The following ST3GAL1 variants were observed in gnomAD, a reference collection of about 807,000 sequenced individuals.
ST3GAL1 encodes the protein ST3 beta-galactoside alpha-2,3-sialyltransferase 1.
ST3GAL1 carries 16 observed loss-of-function variants against 34.1 expected under a neutral mutation model. That is an observed-to-expected ratio of 0.47 (90% CI 0.32 to 0.71). The LOEUF (loss-of-function observed/expected upper bound fraction) is 0.71. ST3GAL1 is among the 30% of genes least tolerant of loss of function. The pLI is 0.04. For missense variants in ST3GAL1, 353 were observed against 447.4 expected (o/e 0.79, Z 1.90); for synonymous variants, 191 against 184.7 (o/e 1.03, Z -0.28).
In ST3GAL1 at chr8:133,556,106, G is replaced by A. The variant is rs994856163; in HGVS notation, c.-581-10180C>T. Among the ~76,000 whole-genome samples the A allele has an allele frequency of 6.6e-6, 1 of 152,040 alleles. No homozygotes were observed. The highest frequency in any genetic ancestry group is 1.5e-5 in the Non-Finnish European group (1 of 68,006). On this transcript the variant is annotated intron_variant, in intron 1 of 9. Coordinates refer to ENST00000522652, the MANE Select transcript of ST3GAL1 (RefSeq NM_173344.3). This position sits in a 1 kb window ranked among gnomAD's most constrained non-coding sequence, Gnocchi z 8.9. ...AGACGGGGTTTCATCATGTTGCCCA[G>A]GCTGATCTCGAACTCCTGAGCTCAG...
At chr8:133,533,474 A>G (rs1818214854) in intron 2 of ST3GAL1, among the ~76,000 whole-genome samples, 1 of 152,220 alleles carries the variant, frequency 6.6e-6, no homozygotes, top group Non-Finnish European at 1.5e-5. Context: ...GAGAGCCATG[A>G]GAATGGGCTT....
intron 3 of ST3GAL1, among the ~76,000 whole-genome samples, chr8:133,488,775 G>T (rs565454639): frequency 2.0e-4 from 30 of 152,186 alleles, no homozygotes; most frequent in Non-Finnish European, 4.1e-4. Context: ...GGAAGCTACA[G>T]GTATGAAGGC....
At chr8:133,464,643 G>A (rs535496749) in intron 7 of ST3GAL1, 135 bp downstream of exon 7, 2 of 929,476 alleles carry the variant, frequency 2.2e-6, no homozygotes, top group Non-Finnish European at 1.6e-6. Flanking sequence ...ACGGGAACTG[G>A]GCTTGTGTGT....
chr8:133,559,022 A>G (rs1819138999), intron 1 of ST3GAL1, among the ~76,000 whole-genome samples: 1 of 132,404 alleles, frequency 7.6e-6, no homozygotes, highest in African/African-American at 3.0e-5. Context: ...TCCCAGGGCG[A>G]TAGAGTGTGG....
In ST3GAL1 at chr8:133,460,421, C is replaced by T. The variant is rs370881603; in HGVS notation, c.850-484G>A. On this transcript the variant is annotated intron_variant, in intron 9 of 9. Transcript: ENST00000522652. Reference sequence around the variant, plus strand: ...ACTTTCCTCATCTGGAAAATGGGTCCAAGAATCATGATTGCAGTGAGGCAG... The same window carrying T: ...ACTTTCCTCATCTGGAAAATGGGTCTAAGAATCATGATTGCAGTGAGGCAG... Among the ~76,000 whole-genome samples the T allele has an allele frequency of 7.6e-4, 116 of 152,312 alleles. 4 individuals carry two copies. In the South Asian group the frequency reaches 0.024, roughly 31 times the overall value.
intron 3 of ST3GAL1, among the ~76,000 whole-genome samples, chr8:133,478,026 A>T (rs1816243246): frequency 6.6e-6 from 1 of 152,124 alleles, no homozygotes; most frequent in South Asian, 2.1e-4. Flanking sequence ...AGCCCAACGT[A>T]TGGAGGACAA....
At chr8:133,560,545 G>A (rs1282764061) in intron 1 of ST3GAL1, among the ~76,000 whole-genome samples, 4 of 152,224 alleles carry the variant, frequency 2.6e-5, no homozygotes, top group Non-Finnish European at 5.9e-5. Flanking sequence ...AGGAACTCCT[G>A]CCCAAAAGGA....
intron 1 of ST3GAL1, among the ~76,000 whole-genome samples, chr8:133,558,504 G>T (rs1288204196): frequency 6.6e-6 from 1 of 152,208 alleles, no homozygotes; most frequent in East Asian, 1.9e-4. Context: ...CAAGGTTACT[G>T]CAAAGGCTCT....
At chr8:133,468,425 T>C (rs757560445) in intron 5 of ST3GAL1, among the ~76,000 whole-genome samples, 5 of 152,152 alleles carry the variant, frequency 3.3e-5, no homozygotes, top group African/African-American at 9.7e-5. Flanking sequence ...GTCAAATTCA[T>C]AGAGACAGAG....
At chr8:133,470,147 C>T (rs548550764) in intron 5 of ST3GAL1, among the ~76,000 whole-genome samples, 45 of 152,248 alleles carry the variant, frequency 3.0e-4, no homozygotes, top group African/African-American at 1.1e-3. Flanking sequence ...TGGCCAGGTG[C>T]GGTGGCTCAC....
intron 1 of ST3GAL1, among the ~76,000 whole-genome samples, chr8:133,566,129 G>A (rs2131118702): frequency 1.3e-5 from 2 of 152,344 alleles, no homozygotes; most frequent in Middle Eastern, 6.8e-3. Context: ...CCTGGTAACA[G>A]TGCTTTGGGT....
chr8:133,544,924 T>C (rs1429424894), intron 2 of ST3GAL1, among the ~76,000 whole-genome samples: 1 of 152,212 alleles, frequency 6.6e-6, no homozygotes, highest in African/African-American at 2.4e-5. Flanking sequence ...TCTGCAGTGA[T>C]GGCAATCATG....
intron 3 of ST3GAL1, among the ~76,000 whole-genome samples, chr8:133,483,224 C>T (rs1377469738): frequency 2.0e-5 from 3 of 152,142 alleles, no homozygotes; most frequent in Non-Finnish European, 2.9e-5. Flanking sequence ...CACCTGTAAT[C>T]CCAGCTACTT....
intron 3 of ST3GAL1, among the ~76,000 whole-genome samples, chr8:133,485,318 G>A (rs370914389): frequency 1.3e-5 from 2 of 152,372 alleles, no homozygotes; most frequent in East Asian, 3.9e-4. Context: ...AGAAGCTGCT[G>A]TGTAGCTGCC....
At chr8:133,547,429 A>T (rs1200196593) in intron 1 of ST3GAL1, among the ~76,000 whole-genome samples, 1 of 152,132 alleles carries the variant, frequency 6.6e-6, no homozygotes, top group Non-Finnish European at 1.5e-5. Flanking sequence ...CTATCACACC[A>T]GGCTAATTAT....
chr8:133,536,654 G>C (rs1453266110), intron 2 of ST3GAL1, among the ~76,000 whole-genome samples: 1 of 152,162 alleles, frequency 6.6e-6, no homozygotes, highest in Non-Finnish European at 1.5e-5. Flanking sequence ...TCCTGCCACA[G>C]GCCCATTTAT....
At chr8:133,506,331 C>T (rs1817335421) in intron 2 of ST3GAL1, among the ~76,000 whole-genome samples, 1 of 152,240 alleles carries the variant, frequency 6.6e-6, no homozygotes, top group East Asian at 1.9e-4. Flanking sequence ...CACAAGACAA[C>T]ACGTACAAAG....
chr8:133,517,572 A>G (rs1817684242), intron 2 of ST3GAL1, among the ~76,000 whole-genome samples: 1 of 151,886 alleles, frequency 6.6e-6, no homozygotes, highest in African/African-American at 2.4e-5. Flanking sequence ...CTGGTCTTGA[A>G]CTCCTGACCT....
chr8:133,566,015 C>CTA (rs1819387696), intron 1 of ST3GAL1, among the ~76,000 whole-genome samples: 1 of 152,250 alleles, frequency 6.6e-6, no homozygotes, highest in Admixed American at 6.5e-5. Context: ...CCCATCCCTG[C>CTA]TGGCCAGCCA....
Sources: gnomAD v4.1 joint callset for allele counts (sites outside exome capture counted in the v4.1 genomes callset) on GRCh38, gnomAD v4.1.1 for gene constraint, Gnocchi (gnomAD v3.1) non-coding constraint, MANE v1.5 for transcripts, NCBI Gene and HGNC (gene_info 2026-07-23, HGNC 2026-07-21) for gene names.